DSCAML1: variants seen among roughly 807,000 people sequenced by gnomAD.
DSCAML1 encodes DS cell adhesion molecule like 1.
In DSCAML1, 38 loss-of-function variants were observed where a neutral mutation model predicts 200.5. The observed-to-expected ratio is 0.19, with a 90% CI of 0.15 to 0.25. DSCAML1 has a LOEUF of 0.25. Ranked by LOEUF, DSCAML1 falls within the 10% of genes least tolerant of loss-of-function variation. DSCAML1 has a pLI of 1.00. For missense variants in DSCAML1, 2,223 were observed against 2,858.8 expected, an observed-to-expected ratio of 0.78 and a Z score of 5.07; for synonymous variants, 1,215 against 1,165.0, an observed-to-expected ratio of 1.04 and a Z score of -0.87.
chr11:117,581,397 A>T (rs1255620115), intron 3 of DSCAML1, among the ~76,000 whole-genome samples: 1 of 152,160 alleles, frequency 6.6e-6, no homozygotes, highest in Non-Finnish European at 1.5e-5. Flanking sequence ...CACCACCGCA[A>T]TCAAGATACA....
chr11:117,442,254 A>G (rs11216389), intron 21 of DSCAML1, among the ~76,000 whole-genome samples: 3,571 of 145,474 alleles, frequency 0.025, 134 homozygotes, highest in African/African-American at 0.089. Context: ...GCATGTGCAT[A>G]TGTGTGTGCA....
At chr11:117,814,103 A>G (rs959414296) in intron 1 of DSCAML1, among the ~76,000 whole-genome samples, 72 of 152,026 alleles carry the variant, frequency 4.7e-4, no homozygotes, top group African/African-American at 1.7e-3. Context: ...CTGGCTCAGA[A>G]GCTCCCCCAC....
At chr11:117,456,877 GT>G (rs1334791218) in intron 19 of DSCAML1, among the ~76,000 whole-genome samples, 1 of 151,870 alleles carries the variant, frequency 6.6e-6, no homozygotes, top group Middle Eastern at 3.2e-3. Flanking sequence ...GTTTCCCCAT[GT>G]TGTCCAGGCT....
In DSCAML1 at chr11:117,525,078, C is replaced by A. The variant is rs1255668047; in HGVS notation, c.664G>T (p.Ala222Ser). 6.4e-7 allele frequency: 1 copy of A among 1,554,954 alleles called. No individual in the cohort carries two copies. The highest frequency in any genetic ancestry group is 8.7e-7 in the Non-Finnish European group (1 of 1,155,032). Reference sequence around the variant, plus strand: ...TCCAGGATGGTGGGGATCGACTCAGCAGGGTCTGGAAGGCAGAGAGGGTCG... The same window carrying A: ...TCCAGGATGGTGGGGATCGACTCAGAAGGGTCTGGAAGGCAGAGAGGGTCG... The part of the protein sequence containing the change: ...NGARLSVTDP[A>S]ESIPTILDGF... The change falls in exon 5 of 33, where the codon GCT becomes TCT. Residue 222 changes from alanine to serine, a missense_variant. This residue lies in a region of DSCAML1 where 579 missense variants were observed against 721.5 expected (regional missense o/e 0.80). Coordinates refer to ENST00000651296, the MANE Select transcript of DSCAML1 (RefSeq NM_020693.4).
rs1286790951 is a variant in DSCAML1 at position 117,797,125 on chromosome 11, C to T, written c.-46G>A. On this transcript the variant is annotated 5_prime_UTR_variant, in exon 1 of 33. Transcript: ENST00000651296. ...TCCGGGGAGGTGGTCCTGTGGCCGG[C>T]CGTGCGGCAGCGCCTCTCCCCCGCT... is the stretch of plus-strand genomic sequence containing the variant. 6.3e-7 allele frequency: 1 copy of T among 1,590,820 alleles called. No homozygotes were observed.
intron 3 of DSCAML1, among the ~76,000 whole-genome samples, chr11:117,770,231 C>T (rs2055013175): frequency 6.6e-6 from 1 of 152,244 alleles, no homozygotes. Flanking sequence ...CCAACCTGGA[C>T]TCCTCTGCAA....
chr11:117,661,432 A>G (rs1329209737), intron 3 of DSCAML1, among the ~76,000 whole-genome samples: 1 of 152,222 alleles, frequency 6.6e-6, no homozygotes, highest in Non-Finnish European at 1.5e-5. Context: ...TGGGTTTTGC[A>G]TTCACTCTAC....
chr11:117,531,900 A>G (rs2050083135), intron 4 of DSCAML1, among the ~76,000 whole-genome samples: 1 of 115,926 alleles, frequency 8.6e-6, no homozygotes, highest in African/African-American at 3.6e-5. Flanking sequence ...AAAAAGAAAG[A>G]AAGGGAAGGG....
chr11:117,619,963 C>T (rs978927264), intron 3 of DSCAML1, among the ~76,000 whole-genome samples: 5 of 152,052 alleles, frequency 3.3e-5, no homozygotes, highest in Non-Finnish European at 7.4e-5. Context: ...ATTGAGCCTA[C>T]GTGGGAATAA....
At chr11:117,635,243 G>A (rs1458707190) in intron 3 of DSCAML1, among the ~76,000 whole-genome samples, 1 of 152,172 alleles carries the variant, frequency 6.6e-6, no homozygotes, top group South Asian at 2.1e-4. Context: ...GAGGAGGAGC[G>A]GATGGGGAGG....
chr11:117,514,788 G>A (rs913800026), intron 8 of DSCAML1, among the ~76,000 whole-genome samples: 2 of 152,022 alleles, frequency 1.3e-5, no homozygotes. Flanking sequence ...CTCCACATTG[G>A]TCAGGCTGGT....
chr11:117,775,929 T>C (rs1198095757), intron 3 of DSCAML1, among the ~76,000 whole-genome samples: 1 of 152,116 alleles, frequency 6.6e-6, no homozygotes, highest in Non-Finnish European at 1.5e-5. Flanking sequence ...CACTCAGAGA[T>C]CACCTGGTCA....
intron 3 of DSCAML1, among the ~76,000 whole-genome samples, chr11:117,648,346 C>T (rs2052563899): frequency 6.6e-6 from 1 of 152,236 alleles, no homozygotes; most frequent in South Asian, 2.1e-4. Flanking sequence ...GTAACAATTT[C>T]CTGAGCGCCA....
intron 3 of DSCAML1, among the ~76,000 whole-genome samples, chr11:117,702,521 C>T (rs2053688393): frequency 6.6e-6 from 1 of 152,062 alleles, no homozygotes; most frequent in South Asian, 2.1e-4. Flanking sequence ...AGTGCATTTG[C>T]TGCTTACCCT....
intron 19 of DSCAML1, among the ~76,000 whole-genome samples, chr11:117,456,877 G>A (rs1592605569): frequency 2.0e-5 from 3 of 151,986 alleles, no homozygotes; most frequent in African/African-American, 4.8e-5. Context: ...GTTTCCCCAT[G>A]TTGTCCAGGC....
chr11:117,629,720 G>A (rs1467219296), intron 3 of DSCAML1, among the ~76,000 whole-genome samples: 1 of 152,174 alleles, frequency 6.6e-6, no homozygotes, highest in Non-Finnish European at 1.5e-5. Context: ...GCAGGGAGAA[G>A]CCATGGTGGC....
intron 3 of DSCAML1, among the ~76,000 whole-genome samples, chr11:117,650,332 G>C (rs2052604331): frequency 6.6e-6 from 1 of 152,196 alleles, no homozygotes; most frequent in Admixed American, 6.5e-5. Context: ...GGCTGAAGAG[G>C]ATAGGGCCCG....
intron 2 of DSCAML1, 127 bp from the exon 3 acceptor site, chr11:117,777,064 C>G: frequency 1.8e-5 from 18 of 1,004,322 alleles, no homozygotes; most frequent in Non-Finnish European, 2.5e-5. Flanking sequence ...CTTCTTCCTT[C>G]CCCCATCCTG....
At chr11:117,511,353 G>A (rs1204168981) in intron 8 of DSCAML1, among the ~76,000 whole-genome samples, 1 of 152,172 alleles carries the variant, frequency 6.6e-6, no homozygotes, top group Non-Finnish European at 1.5e-5. Flanking sequence ...AAGCTCAGAT[G>A]TAGGAATGGA....
Sources: gnomAD v4.1 joint callset for allele counts (sites outside exome capture counted in the v4.1 genomes callset) on GRCh38, gnomAD v4.1.1 for gene constraint, gnomAD v4.1.1 regional missense constraint, MANE v1.5 for transcripts, NCBI Gene and HGNC (gene_info 2026-07-23, HGNC 2026-07-21) for gene names.